RGS6: variants seen among roughly 807,000 people sequenced by gnomAD.
RGS6 encodes the protein regulator of G-protein signaling 6.
RGS6 carries 30 observed loss-of-function variants against 78.5 expected under a neutral mutation model. The ratio of observed to expected loss-of-function variants is 0.38; its 90% confidence interval spans 0.29 to 0.52. The LOEUF (loss-of-function observed/expected upper bound fraction) is 0.52, where lower values mean the gene tolerates loss of function less well. Among genes scored for constraint, RGS6 ranks in the 20% least tolerant of loss-of-function variants. The pLI is 0.85. For synonymous variants in RGS6, 206 were observed against 206.0 expected (o/e 1.00, Z 0.00); for missense variants, 495 against 609.7 (o/e 0.81, Z 1.98).
intron 2 of RGS6, among the ~76,000 whole-genome samples, chr14:71,969,690 G>A (rs2093697266): frequency 1.3e-5 from 2 of 152,154 alleles, no homozygotes; most frequent in South Asian, 4.1e-4. Flanking sequence ...CAGTGTCCAT[G>A]TAAAGTAGAA....
chr14:72,357,023 C>T (rs1380457732), intron 3 of RGS6, among the ~76,000 whole-genome samples: 2 of 152,154 alleles, frequency 1.3e-5, no homozygotes, highest in African/African-American at 4.8e-5. Context: ...GTAATCCCAG[C>T]ACTTTGGGAG....
chr14:71,960,009 G>A (rs1047244886), intron 1 of RGS6, among the ~76,000 whole-genome samples: 1 of 152,050 alleles, frequency 6.6e-6, no homozygotes, highest in African/African-American at 2.4e-5. Flanking sequence ...CTATACCATC[G>A]AGGCCCTTCC....
intron 2 of RGS6, among the ~76,000 whole-genome samples, chr14:72,146,724 A>G (rs1598365026): frequency 6.6e-6 from 1 of 152,216 alleles, no homozygotes; most frequent in Non-Finnish European, 1.5e-5. Context: ...TGTCTCCCAA[A>G]CATGCTTTTT....
Position 72,564,503 on chromosome 14 carries a change from G to T in RGS6, c.*2036G>T, listed in dbSNP as rs2097700858. ...ACAAAATTACAGTCTAAGTTCATTT[G>T]CCCCCAGCCTTGCCCAAGGATCCCC... On this transcript the variant is annotated 3_prime_UTR_variant, in exon 18 of 18. Transcript: ENST00000553525. 6.6e-6 allele frequency: 1 copy of T among 152,126 alleles called. No individual in the cohort carries two copies. Among genetic ancestry groups the T allele is most frequent in the Admixed American group, 6.5e-5 (1 of 15,276 alleles). The allele number at this position is 152,126 out of a possible 1,614,324, so 9.4% of individuals were successfully genotyped here.
At chr14:72,182,768 C>A (rs1393883454) in intron 2 of RGS6, among the ~76,000 whole-genome samples, 2 of 152,144 alleles carry the variant, frequency 1.3e-5, no homozygotes, top group African/African-American at 4.8e-5. Context: ...AGGGAAAATC[C>A]ATTGTGGGGA....
chr14:71,995,408 C>T (rs915695928), intron 2 of RGS6, among the ~76,000 whole-genome samples: 17 of 152,308 alleles, frequency 1.1e-4, no homozygotes, highest in African/African-American at 3.8e-4. Flanking sequence ...GAGCCTGGCC[C>T]CTGGCAGGGT....
intron 2 of RGS6, among the ~76,000 whole-genome samples, chr14:72,141,438 TA>T (rs1414085867): frequency 6.6e-6 from 1 of 152,210 alleles, no homozygotes; most frequent in Non-Finnish European, 1.5e-5. Context: ...CCGAGTGTAA[TA>T]GTGCCCCAGT....
the RGS6 span, among the ~76,000 whole-genome samples, chr14:72,576,408 T>G: frequency 6.6e-6 from 1 of 152,204 alleles, no homozygotes; most frequent in East Asian, 1.9e-4. Flanking sequence ...GATGATAATA[T>G]GTAGCAAAGG....
intron 2 of RGS6, among the ~76,000 whole-genome samples, chr14:72,193,683 G>A (rs543929076): frequency 6.6e-6 from 1 of 152,368 alleles, no homozygotes; most frequent in African/African-American, 2.4e-5. Flanking sequence ...GATGGTGGAA[G>A]GTGGCAGACA....
intron 2 of RGS6, among the ~76,000 whole-genome samples, chr14:72,132,345 C>T (rs979420489): frequency 5.0e-4 from 76 of 150,808 alleles, no homozygotes; most frequent in South Asian, 4.2e-4. Flanking sequence ...GACATGATCT[C>T]GGCTCACTGA....
At chr14:71,939,357 G>A (rs779460955) in intron 1 of RGS6, among the ~76,000 whole-genome samples, 4 of 152,192 alleles carry the variant, frequency 2.6e-5, no homozygotes, top group Non-Finnish European at 5.9e-5. Context: ...TGTCTCACCA[G>A]TAAGTCCAGT....
In RGS6 at chr14:72,379,586, C is replaced by T. The variant is rs951075349; in HGVS notation, c.184+27392C>T. 2.0e-4 allele frequency among the ~76,000 whole-genome samples: 30 copies of T among 151,728 alleles called. 1 individual carries two copies. Among genetic ancestry groups the T allele is most frequent in the Admixed American group, 1.8e-3 (28 of 15,224 alleles). On this transcript the variant is annotated intron_variant, in intron 3 of 17. Coordinates refer to ENST00000553525, the MANE Select transcript of RGS6 (RefSeq NM_001204424.2). ...AAGGCAATCCTACTTACAATAGTTACATTTAAAAAAAACCTAGGAATAAAC... is the reference window on the plus strand; with the variant it reads ...AAGGCAATCCTACTTACAATAGTTATATTTAAAAAAAACCTAGGAATAAAC...
At chr14:72,043,272 A>G (rs2092576129) in intron 2 of RGS6, among the ~76,000 whole-genome samples, 1 of 152,098 alleles carries the variant, frequency 6.6e-6, no homozygotes, top group African/African-American at 2.4e-5. Flanking sequence ...TTTCTTTAGT[A>G]ACTTTTTTCC....
chr14:71,917,665 A>G, the RGS6 span, among the ~76,000 whole-genome samples: 3 of 152,162 alleles, frequency 2.0e-5, no homozygotes, highest in African/African-American at 7.2e-5. Context: ...ACACAAGTCA[A>G]ACAATAGCAA....
At chr14:72,381,711 C>G (rs1225383546) in intron 3 of RGS6, among the ~76,000 whole-genome samples, 2 of 151,974 alleles carry the variant, frequency 1.3e-5, no homozygotes, top group Admixed American at 1.3e-4. Flanking sequence ...AAAATTATCT[C>G]AGGATGAAAG....
chr14:72,600,693 G>C, the RGS6 span, among the ~76,000 whole-genome samples: 2 of 152,128 alleles, frequency 1.3e-5, no homozygotes, highest in African/African-American at 4.8e-5. Flanking sequence ...TCTCAGTCTG[G>C]ACCCCTGCCG....
chr14:72,074,057 T>C (rs1315214350), intron 2 of RGS6, among the ~76,000 whole-genome samples: 1 of 152,198 alleles, frequency 6.6e-6, no homozygotes, highest in South Asian at 2.1e-4. Flanking sequence ...GTTGGAATCA[T>C]TTAAGGTGTT....
At chr14:72,199,475 A>G (rs2040987016) in intron 2 of RGS6, among the ~76,000 whole-genome samples, 1 of 152,234 alleles carries the variant, frequency 6.6e-6, no homozygotes, top group South Asian at 2.1e-4. Context: ...TCTTTTAGAA[A>G]GAGTCTATGC....
chr14:72,612,993 C>CATGTGT, the RGS6 span, among the ~76,000 whole-genome samples: 1 of 148,852 alleles, frequency 6.7e-6, no homozygotes, highest in Non-Finnish European at 1.5e-5. Context: ...TTAAGTAGGG[C>CATGTGT]GTGTGTGTGT....
Sources: gnomAD v4.1 joint callset for allele counts (sites outside exome capture counted in the v4.1 genomes callset) on GRCh38, gnomAD v4.1.1 for gene constraint, MANE v1.5 for transcripts, NCBI Gene and HGNC (gene_info 2026-07-23, HGNC 2026-07-21) for gene names.